SYNRG: variants seen among roughly 807,000 people sequenced by gnomAD.
SYNRG encodes the protein AP1 gamma subunit binding protein 1.
SYNRG carries 37 observed loss-of-function variants against 130.9 expected under a neutral mutation model. The observed-to-expected ratio is 0.28, with a 90% CI of 0.22 to 0.37. SYNRG has a LOEUF of 0.37. SYNRG is among the 10% of genes least tolerant of loss of function. The probability of loss-of-function intolerance (pLI) is 1.00; values close to 1 mark genes in which losing one functional copy is unlikely to be tolerated. For synonymous variants in SYNRG, 539 were observed against 568.1 expected (o/e 0.95, Z 0.73); for missense variants, 1,338 against 1,588.9 (o/e 0.84, Z 2.68).
intron 19 of SYNRG, among the ~76,000 whole-genome samples, chr17:37,526,223 G>A (rs947351097): frequency 6.6e-6 from 1 of 152,182 alleles, no homozygotes; most frequent in African/African-American, 2.4e-5. Context: ...ACGGTGACCA[G>A]CTATGTTCCA....
intron 10 of SYNRG, among the ~76,000 whole-genome samples, chr17:37,570,341 T>C (rs988867865): frequency 6.7e-6 from 1 of 150,208 alleles, no homozygotes; most frequent in African/African-American, 2.4e-5. Context: ...TTGATTGCTA[T>C]TGCCAAGTCT....
chr17:37,598,718 A>C (rs2146965926), intron 2 of SYNRG, among the ~76,000 whole-genome samples: 1 of 152,354 alleles, frequency 6.6e-6, no homozygotes, highest in South Asian at 2.1e-4. Flanking sequence ...TGTTAAAAAA[A>C]AATCTCCAAA....
At chr17:37,600,722 T>C (rs1251122357) in intron 1 of SYNRG, 13 of 452,608 alleles carry the variant, frequency 2.9e-5, no homozygotes, top group Non-Finnish European at 5.2e-5. Flanking sequence ...TCAACATCTA[T>C]TGAGTGTCAA....
At chr17:37,553,075 C>T (rs776832041) in intron 14 of SYNRG, 40 bp downstream of exon 14, 26 of 1,580,198 alleles carry the variant, frequency 1.6e-5, no homozygotes, top group Non-Finnish European at 2.2e-5. Flanking sequence ...TCTTTGAAAT[C>T]TACAACACCA....
intron 6 of SYNRG, 142 bp downstream of exon 6, chr17:37,584,506 G>C (rs1270734228): frequency 4.7e-6 from 3 of 634,264 alleles, no homozygotes; most frequent in Non-Finnish European, 5.5e-6. Flanking sequence ...CTGTATATTT[G>C]AGAACATCCA....
At chr17:37,545,387 T>C (rs2058191253) in intron 14 of SYNRG, among the ~76,000 whole-genome samples, 1 of 152,060 alleles carries the variant, frequency 6.6e-6, no homozygotes, top group African/African-American at 2.4e-5. Flanking sequence ...AGTTTGAGAC[T>C]CTGTCTCAAA....
chr17:37,539,622 T>C (rs1003256504), intron 16 of SYNRG, among the ~76,000 whole-genome samples: 7 of 152,214 alleles, frequency 4.6e-5, no homozygotes, highest in Non-Finnish European at 8.8e-5. Context: ...CTGCCCGACT[T>C]GGCCTTCCAA....
chr17:37,583,104 C>T (rs1256358734), intron 6 of SYNRG, among the ~76,000 whole-genome samples: 2 of 151,662 alleles, frequency 1.3e-5, no homozygotes, highest in East Asian at 1.9e-4. Flanking sequence ...TATTCTCTTG[C>T]CTCAGCCTAC....
intron 15 of SYNRG, chr17:37,541,374 G>C (rs1339864784): frequency 1.9e-6 from 1 of 524,656 alleles, no homozygotes; most frequent in African/African-American, 2.1e-5. Flanking sequence ...GATTATGGTA[G>C]GAGAGAGAGA....
At chr17:37,595,756 CTT>C (rs950957073) in intron 3 of SYNRG, among the ~76,000 whole-genome samples, 22 of 140,634 alleles carry the variant, frequency 1.6e-4, no homozygotes, top group Admixed American at 2.1e-4. Flanking sequence ...TTCCTCTGGC[CTT>C]TTTTTTTTTT....
chr17:37,581,012 G>C (rs1184296050), intron 6 of SYNRG, among the ~76,000 whole-genome samples: 2 of 152,112 alleles, frequency 1.3e-5, no homozygotes, highest in Non-Finnish European at 2.9e-5. Context: ...ATATTTTCTT[G>C]TGAAAAGCAT....
At chr17:37,558,425 G>A (rs544309996) in intron 13 of SYNRG, among the ~76,000 whole-genome samples, 1 of 152,302 alleles carries the variant, frequency 6.6e-6, no homozygotes, top group East Asian at 1.9e-4. Flanking sequence ...ACATTTCATA[G>A]CATGCATAGT....
chr17:37,533,270 G>A (rs756620324), intron 19 of SYNRG, among the ~76,000 whole-genome samples: 2 of 151,964 alleles, frequency 1.3e-5, no homozygotes, highest in African/African-American at 2.4e-5. Context: ...GCGTGGTGGC[G>A]CATGCCTGTA....
chr17:37,585,017 C>G (rs541015993), intron 5 of SYNRG, among the ~76,000 whole-genome samples: 2 of 152,120 alleles, frequency 1.3e-5, no homozygotes, highest in Admixed American at 1.3e-4. Flanking sequence ...TGTGAAGGCT[C>G]TAAGAGAAAT....
At chr17:37,575,840 CAAAAA>C (rs1187221456) in intron 8 of SYNRG, among the ~76,000 whole-genome samples, 1 of 63,372 alleles carries the variant, frequency 1.6e-5, no homozygotes. Context: ...GACCTTGTCT[CAAAAA>C]AAAAAAAAAA....
At chr17:37,608,154 G>A (rs1362183977) in intron 1 of SYNRG, among the ~76,000 whole-genome samples, 1 of 151,866 alleles carries the variant, frequency 6.6e-6, no homozygotes, top group South Asian at 2.1e-4. Context: ...AAGATGTGCA[G>A]AGGAAATGAA....
At chr17:37,558,808 C>T (rs1007744249) in intron 13 of SYNRG, among the ~76,000 whole-genome samples, 1 of 152,180 alleles carries the variant, frequency 6.6e-6, no homozygotes, top group African/African-American at 2.4e-5. Flanking sequence ...TGTTTGGTTA[C>T]TGCTTCTGTT....
At chr17:37,524,097 G>A (rs533415826) in intron 19 of SYNRG, among the ~76,000 whole-genome samples, 1 of 152,312 alleles carries the variant, frequency 6.6e-6, no homozygotes, top group South Asian at 2.1e-4. Flanking sequence ...GGGGAAGCGA[G>A]GGCTCTGTGG....
intron 14 of SYNRG, among the ~76,000 whole-genome samples, chr17:37,547,231 A>T (rs1000211854): frequency 6.6e-6 from 1 of 152,236 alleles, no homozygotes; most frequent in African/African-American, 2.4e-5. Flanking sequence ...TCAAAAAAGA[A>T]AACTGGAAAT....
Sources: allele counts gnomAD v4.1 joint callset (sites outside exome capture counted in the v4.1 genomes callset), GRCh38; gene constraint gnomAD v4.1.1; transcripts MANE v1.5; gene names NCBI Gene and HGNC (gene_info 2026-07-23, HGNC 2026-07-21).